The following TENM1 variants were observed in gnomAD, a reference collection of about 807,000 sequenced individuals.
TENM1 encodes the protein teneurin transmembrane protein 1.
A neutral mutation model predicts 174.8 loss-of-function variants in TENM1; 35 were observed. The observed-to-expected ratio is 0.20, with a 90% CI of 0.15 to 0.27. The LOEUF is 0.27. Among genes scored for constraint, TENM1 ranks in the 10% least tolerant of loss-of-function variants. The pLI is 1.00. For missense variants in TENM1, 1,633 were observed against 2,130.1 expected (o/e 0.77, Z 4.59); for synonymous variants, 781 against 798.7 (o/e 0.98, Z 0.37).
At chrX:124,802,700 C>T (rs898559298) in intron 3 of TENM1, among the ~76,000 whole-genome samples, 19 of 111,959 alleles carry the variant, frequency 1.7e-4, no homozygotes, top group East Asian at 8.5e-4. Context: ...TGGTTCTTTT[C>T]GATGGGAGCC....
intron 18 of TENM1, among the ~76,000 whole-genome samples, chrX:124,505,256 G>C (rs1181504524): frequency 1.8e-5 from 2 of 112,302 alleles, no homozygotes; most frequent in Non-Finnish European, 3.8e-5. Flanking sequence ...AGCTGGTAAA[G>C]ACTCATGAAA....
At chrX:124,563,903 C>G in intron 12 of TENM1, 131 bp from the exon 16 acceptor site, 1 of 481,282 alleles carries the variant, frequency 2.1e-6, no homozygotes, top group Non-Finnish European at 3.3e-6. Flanking sequence ...ATGCCTGCAG[C>G]TCAAAAGTTG....
At chrX:124,567,243 G>T (rs1430943027) in intron 11 of TENM1, among the ~76,000 whole-genome samples, 2 of 111,394 alleles carry the variant, frequency 1.8e-5, no homozygotes, top group Non-Finnish European at 3.8e-5. Context: ...GCCATCATTA[G>T]CATATAGGTG....
At chrX:124,840,097 G>C (rs753820218) in intron 3 of TENM1, among the ~76,000 whole-genome samples, 1 of 111,666 alleles carries the variant, frequency 9.0e-6, no homozygotes, top group Non-Finnish European at 1.9e-5. Flanking sequence ...TTTTAAGCAG[G>C]ATCTGATTAA....
intron 3 of TENM1, among the ~76,000 whole-genome samples, chrX:124,754,896 C>A (rs1451242993): frequency 9.4e-6 from 1 of 105,947 alleles, no homozygotes; most frequent in Non-Finnish European, 1.9e-5. Flanking sequence ...CTGAGGAGAG[C>A]TTTACTTCCA....
chrX:124,487,067 C>A lies in TENM1; in HGVS notation c.3716+142G>T, dbSNP rs1049856976. ...CCCTTCTTCTTTTGGAAGACACTTA[C>A]CTGAGTTATAACTTCCAAATTTATG... On this transcript the variant is annotated intron_variant, in intron 21 of 31. Transcript: ENST00000422452. 5.5e-6 allele frequency: 3 copies of A among 547,147 alleles called. No homozygotes were observed. The Admixed American group carries it at 1.1e-4, about 20-fold the overall frequency. The allele number at this position is 547,147 out of a possible 1,213,427, so 45.1% of individuals were successfully genotyped here. A position where few individuals can be genotyped will look rare whatever the true frequency, so the allele number is the denominator to read the frequency against.
chrX:125,151,417 G>C, the TENM1 span, among the ~76,000 whole-genome samples: 1 of 111,780 alleles, frequency 8.9e-6, no homozygotes, highest in Admixed American at 9.5e-5. Context: ...GTATATTATA[G>C]ATTATTGCTT....
the TENM1 span, among the ~76,000 whole-genome samples, chrX:125,177,771 T>C: frequency 1.8e-5 from 2 of 111,805 alleles, no homozygotes; most frequent in African/African-American, 6.5e-5. Flanking sequence ...AAGAGCCATT[T>C]CTATTAACTC....
intron 28 of TENM1, among the ~76,000 whole-genome samples, chrX:124,389,545 T>C (rs765439976): frequency 8.1e-5 from 9 of 111,412 alleles, no homozygotes; most frequent in Non-Finnish European, 1.3e-4. Flanking sequence ...TTTTGGTAAA[T>C]TCAATGTTCT....
the TENM1 span, among the ~76,000 whole-genome samples, chrX:125,025,162 T>C: frequency 1.0e-3 from 112 of 111,904 alleles, 2 homozygotes; most frequent in East Asian, 0.024. Context: ...TTATACTGTG[T>C]GACCATAAAA....
At chrX:125,089,392 C>A in the TENM1 span, among the ~76,000 whole-genome samples, 3 of 111,580 alleles carry the variant, frequency 2.7e-5, no homozygotes, top group African/African-American at 6.5e-5. Context: ...CAAAAAACTG[C>A]TTAAAATTGA....
At chrX:124,497,110 C>T in exon 20 of TENM1, 2 of 1,210,375 alleles carry the variant, frequency 1.7e-6, no homozygotes, top group African/African-American at 3.5e-5. Flanking sequence ...GGGCCAGAAG[C>T]TAAGGCGACA....
intron 20 of TENM1, among the ~76,000 whole-genome samples, chrX:124,491,527 C>A (rs773016621): frequency 1.8e-5 from 2 of 111,471 alleles, no homozygotes; most frequent in East Asian, 5.7e-4. Context: ...TCTTTATTAT[C>A]TTACCTCAAT....
chrX:124,823,289 T>C (rs1190679019), intron 3 of TENM1, among the ~76,000 whole-genome samples: 3 of 112,130 alleles, frequency 2.7e-5, no homozygotes, highest in Non-Finnish European at 5.6e-5. Context: ...ACGGATGTGT[T>C]ATAACAGAGT....
At chrX:124,947,926 A>G (rs1187746132) in intron 1 of TENM1, among the ~76,000 whole-genome samples, 2 of 112,365 alleles carry the variant, frequency 1.8e-5, no homozygotes, top group East Asian at 5.6e-4. Context: ...GAGTAGACTT[A>G]GTTGTAAAAT....
intron 3 of TENM1, among the ~76,000 whole-genome samples, chrX:124,881,571 G>A (rs942189381): frequency 9.0e-6 from 1 of 110,610 alleles, no homozygotes; most frequent in African/African-American, 3.3e-5. Flanking sequence ...TTGGGGTTTA[G>A]TATGTTCTTG....
At chrX:125,089,352 G>C in the TENM1 span, among the ~76,000 whole-genome samples, 1 of 111,748 alleles carries the variant, frequency 8.9e-6, no homozygotes. Context: ...ACTATTTATT[G>C]GGGACACCTA....
intron 11 of TENM1, among the ~76,000 whole-genome samples, chrX:124,617,531 G>A (rs2050424100): frequency 9.0e-6 from 1 of 111,717 alleles, no homozygotes; most frequent in Non-Finnish European, 1.9e-5. Flanking sequence ...TGGCAGGCTA[G>A]CCTCCGCCTT....
chrX:124,875,415 A>ATTT (rs759796281), intron 3 of TENM1, among the ~76,000 whole-genome samples: 4 of 104,675 alleles, frequency 3.8e-5, no homozygotes, highest in African/African-American at 1.4e-4. Context: ...TTGGTCTTAG[A>ATTT]TTTTTTTTTT....
Sources: gnomAD v4.1 joint callset for allele counts (sites outside exome capture counted in the v4.1 genomes callset) on GRCh38, gnomAD v4.1.1 for gene constraint, MANE v1.5 for transcripts, NCBI Gene and HGNC (gene_info 2026-07-23, HGNC 2026-07-21) for gene names.